The following LRP1B variants were observed in gnomAD, a reference collection of about 807,000 sequenced individuals.
LRP1B encodes LDL receptor related protein 1B.
Under a neutral mutation model 556.6 loss-of-function variants are expected in LRP1B, and 217 were observed. That is an observed-to-expected ratio of 0.39 (90% CI 0.35 to 0.44). The LOEUF (loss-of-function observed/expected upper bound fraction) is 0.44. Ranked by LOEUF, LRP1B falls within the 20% of genes least tolerant of loss-of-function variation. The probability of loss-of-function intolerance (pLI) is 1.00; values close to 1 mark genes in which losing one functional copy is unlikely to be tolerated. For synonymous variants in LRP1B, 2,047 were observed against 1,865.8 expected, an observed-to-expected ratio of 1.10 and a Z score of -2.50; for missense variants, 5,053 against 5,620.8, an observed-to-expected ratio of 0.90 and a Z score of 3.23.
chr2:140,281,328 G>A (rs1386575718), intron 84 of LRP1B, among the ~76,000 whole-genome samples: 20 of 151,818 alleles, frequency 1.3e-4, no homozygotes, highest in Non-Finnish European at 2.9e-5. Flanking sequence ...AAAAGTAATT[G>A]CCAAAACTAT....
intron 2 of LRP1B, among the ~76,000 whole-genome samples, chr2:141,594,137 C>T (rs182887820): frequency 6.6e-6 from 1 of 152,214 alleles, no homozygotes. Flanking sequence ...GGCCCCAGAC[C>T]TAGCCAGATG....
At chr2:141,942,763 A>G (rs1218031094) in intron 1 of LRP1B, among the ~76,000 whole-genome samples, 3 of 152,218 alleles carry the variant, frequency 2.0e-5, no homozygotes, top group South Asian at 4.1e-4. Context: ...GGGTCTTTCT[A>G]TTTTACTGTG....
chr2:141,171,570 TACAC>T (rs58335503), intron 7 of LRP1B, among the ~76,000 whole-genome samples: 1 of 151,720 alleles, frequency 6.6e-6, no homozygotes, highest in East Asian at 2.0e-4. Flanking sequence ...CACAGGCTGA[TACAC>T]AGTCTTCTGG....
chr2:141,533,372 A>G (rs1418541159), intron 2 of LRP1B, among the ~76,000 whole-genome samples: 1 of 152,154 alleles, frequency 6.6e-6, no homozygotes, highest in African/African-American at 2.4e-5. Context: ...GTGTTCTTTT[A>G]TAATTATATG....
intron 66 of LRP1B, among the ~76,000 whole-genome samples, chr2:140,412,798 A>G (rs1685021532): frequency 6.6e-6 from 1 of 152,094 alleles, no homozygotes; most frequent in Admixed American, 6.5e-5. Flanking sequence ...CATACCATTA[A>G]TATGGTATCT....
intron 20 of LRP1B, among the ~76,000 whole-genome samples, chr2:140,938,178 A>G (rs925655300): frequency 4.0e-5 from 6 of 151,576 alleles, no homozygotes; most frequent in African/African-American, 1.5e-4. Flanking sequence ...AACTGAACTA[A>G]ATGATCTTAA....
At chr2:141,710,140 T>C (rs2105476848) in intron 2 of LRP1B, among the ~76,000 whole-genome samples, 1 of 152,274 alleles carries the variant, frequency 6.6e-6, no homozygotes, top group African/African-American at 2.4e-5. Context: ...ACACATTTAG[T>C]CTATAGCAAC....
intron 3 of LRP1B, among the ~76,000 whole-genome samples, chr2:141,384,975 T>C (rs1478841739): frequency 2.0e-5 from 3 of 152,160 alleles, no homozygotes; most frequent in African/African-American, 7.2e-5. Context: ...CCTCCAACGC[T>C]CTGGTCCCCT....
intron 2 of LRP1B, among the ~76,000 whole-genome samples, chr2:141,707,928 T>C (rs147085060): frequency 2.0e-3 from 298 of 152,228 alleles, no homozygotes; most frequent in Non-Finnish European, 3.2e-3. Context: ...AAACTGGAAA[T>C]CTTCTAACGT....
At chr2:141,107,491 C>G (rs1700635146) in intron 7 of LRP1B, among the ~76,000 whole-genome samples, 1 of 151,996 alleles carries the variant, frequency 6.6e-6, no homozygotes. Context: ...ACTAAAAATA[C>G]AAAAATTAGC....
chr2:140,558,918 A>G (rs1680830678), intron 43 of LRP1B, among the ~76,000 whole-genome samples: 1 of 151,746 alleles, frequency 6.6e-6, no homozygotes, highest in Non-Finnish European at 1.5e-5. Context: ...CCTGGGCAAC[A>G]GAGCCAGACC....
chr2:140,290,451 A>AAGTAGAC (rs1307214594), intron 84 of LRP1B, among the ~76,000 whole-genome samples: 1 of 152,114 alleles, frequency 6.6e-6, no homozygotes, highest in East Asian at 1.9e-4. Flanking sequence ...AGTTGGGAGA[A>AAGTAGAC]AGTAGACAGG....
At chr2:141,974,719 A>G in intron 1 of LRP1B, among the ~76,000 whole-genome samples, 1 of 152,120 alleles carries the variant, frequency 6.6e-6, no homozygotes, top group East Asian at 1.9e-4. Flanking sequence ...CTGAATCAAT[A>G]TGAATAATGT....
intron 41 of LRP1B, among the ~76,000 whole-genome samples, chr2:140,693,100 G>C (rs1384787247): frequency 3.3e-5 from 5 of 152,024 alleles, no homozygotes; most frequent in Admixed American, 6.6e-5. Flanking sequence ...ATATGGATCT[G>C]CCTCTGAGCC....
intron 7 of LRP1B, among the ~76,000 whole-genome samples, chr2:141,081,371 C>T (rs1699918427): frequency 6.6e-6 from 1 of 152,028 alleles, no homozygotes; most frequent in Non-Finnish European, 1.5e-5. Flanking sequence ...AAGAATAATG[C>T]CTAAGAATGA....
intron 54 of LRP1B, among the ~76,000 whole-genome samples, chr2:140,502,143 G>C (rs1411207461): frequency 1.3e-5 from 2 of 151,886 alleles, no homozygotes; most frequent in South Asian, 2.1e-4. Context: ...TAAAATTAAT[G>C]AACTATTTCT....
chr2:140,852,262 G>C (rs752252760), intron 27 of LRP1B, among the ~76,000 whole-genome samples: 1 of 152,150 alleles, frequency 6.6e-6, no homozygotes, highest in African/African-American at 2.4e-5. Flanking sequence ...GGGAGGCGGA[G>C]GTTGCAGTTA....
intron 2 of LRP1B, among the ~76,000 whole-genome samples, chr2:141,582,010 G>C (rs1195386888): frequency 6.6e-6 from 1 of 152,130 alleles, no homozygotes; most frequent in Non-Finnish European, 1.5e-5. Context: ...TAATTCAAAA[G>C]AGTAATGTCA....
At chr2:140,424,573 C>A (rs978091333) in intron 66 of LRP1B, among the ~76,000 whole-genome samples, 2 of 152,140 alleles carry the variant, frequency 1.3e-5, no homozygotes, top group African/African-American at 4.8e-5. Context: ...ACTTACAGTG[C>A]CAACATATAA....
Sources: allele counts gnomAD v4.1 joint callset (sites outside exome capture counted in the v4.1 genomes callset), GRCh38; gene constraint gnomAD v4.1.1; transcripts MANE v1.5; gene names NCBI Gene and HGNC (gene_info 2026-07-23, HGNC 2026-07-21).